MYO1B: variants seen among roughly 807,000 people sequenced by gnomAD.
MYO1B encodes the protein myosin IB.
A neutral mutation model predicts 159.7 loss-of-function variants in MYO1B; 72 were observed. That is an observed-to-expected ratio of 0.45 (90% CI 0.37 to 0.55). The LOEUF (loss-of-function observed/expected upper bound fraction) is 0.55. Among genes scored for constraint, MYO1B ranks in the 20% least tolerant of loss-of-function variants. The pLI is 0.00. For missense variants in MYO1B, 1,062 were observed against 1,364.8 expected, an observed-to-expected ratio of 0.78 and a Z score of 3.50; for synonymous variants, 468 against 473.8, an observed-to-expected ratio of 0.99 and a Z score of 0.16.
intron 30 of MYO1B, among the ~76,000 whole-genome samples, chr2:191,419,134 C>T (rs10189822): frequency 6.6e-6 from 1 of 152,182 alleles, no homozygotes; most frequent in Non-Finnish European, 1.5e-5. Flanking sequence ...TGCCAGTTGT[C>T]TACAAGTAAA....
chr2:191,418,482 ATTTT>A (rs1159016855), intron 30 of MYO1B, among the ~76,000 whole-genome samples: 3 of 81,044 alleles, frequency 3.7e-5, no homozygotes, highest in African/African-American at 1.4e-4. Flanking sequence ...TCTTTAGTGG[ATTTT>A]TTTTTTTTTT....
In MYO1B at chr2:191,277,063, A is replaced by C. The variant is rs998122561; in HGVS notation, c.135+33A>C. 3 of 1,598,118 alleles carry C rather than the reference A, an allele frequency of 1.9e-6. No homozygotes were observed. In the Admixed American group the frequency reaches 5.5e-5, roughly 29 times the overall value. On this transcript the variant is annotated intron_variant, in intron 2 of 30. Transcript: ENST00000392318. ...CACACGAAGGTCATCTGTAATGTTT[A>C]GACTTTGTATTTTGTGCCAGAGAGC...
chr2:191,319,396 T>C (rs1690557467), intron 3 of MYO1B, among the ~76,000 whole-genome samples: 1 of 152,186 alleles, frequency 6.6e-6, no homozygotes, highest in East Asian at 1.9e-4. Context: ...GCCTGCTCAG[T>C]CTCTGACGGG....
intron 17 of MYO1B, among the ~76,000 whole-genome samples, chr2:191,389,666 A>G (rs1031685340): frequency 6.6e-6 from 1 of 152,248 alleles, no homozygotes; most frequent in African/African-American, 2.4e-5. Flanking sequence ...GTTGGGAAAT[A>G]AAGTTTTTCC....
At chr2:191,355,439 T>G (rs1011384629) in intron 7 of MYO1B, among the ~76,000 whole-genome samples, 2 of 152,228 alleles carry the variant, frequency 1.3e-5, no homozygotes, top group South Asian at 4.1e-4. Flanking sequence ...TGGAAGCACT[T>G]GTAAAATAGG....
chr2:191,302,312 G>A (rs1341403184), intron 3 of MYO1B, among the ~76,000 whole-genome samples: 2 of 152,156 alleles, frequency 1.3e-5, no homozygotes, highest in African/African-American at 4.8e-5. Context: ...GCACATCTCT[G>A]TGGCTGTCTC....
chr2:191,381,700 G>A, intron 14 of MYO1B, 134 bp downstream of exon 14: 1 of 655,664 alleles, frequency 1.5e-6, no homozygotes, highest in South Asian at 2.0e-5. Flanking sequence ...TGTCATTCTA[G>A]AAGAGGCAAA....
chr2:191,392,964 A>C, intron 19 of MYO1B, 109 bp from the exon 20 acceptor site: 2 of 913,516 alleles, frequency 2.2e-6, no homozygotes, highest in Non-Finnish European at 3.3e-6. Flanking sequence ...TCTTTTTTTC[A>C]ATGTAATTGA....
intron 1 of MYO1B, among the ~76,000 whole-genome samples, chr2:191,264,245 C>A (rs747458512): frequency 8.5e-5 from 13 of 152,158 alleles, no homozygotes; most frequent in Admixed American, 2.6e-4. Context: ...GATCAATTCT[C>A]AACTAATAAA....
At chr2:191,331,711 A>G (rs1382490378) in intron 4 of MYO1B, among the ~76,000 whole-genome samples, 1 of 152,198 alleles carries the variant, frequency 6.6e-6, no homozygotes, top group East Asian at 1.9e-4. Context: ...GGGGAGATAA[A>G]CAATAGCTCT....
At position 191,409,072 on chromosome 2, in the gene MYO1B, A is replaced by C. The variant is rs1382124465; in HGVS notation, c.2660A>C (p.Asn887Thr). The change falls in exon 26 of 31, where the codon AAT (asparagine) becomes ACT (threonine). Residue 887 changes from asparagine to threonine, a missense_variant. Asn to Thr is a moderately conservative substitution (Grantham distance 65). Coordinates refer to ENST00000392318, the MANE Select transcript of MYO1B (RefSeq NM_001130158.3). ...CAAAAATACTTCTTGGAAATGAAAA[A>C]TAAGATGCCTTCCTTATCTCCAATA... ...IVQKYFLEMK[N>T]KMPSLSPIDK... is the part of the protein sequence containing the mutation. 26 of 1,610,758 alleles carry C rather than the reference A, an allele frequency of 1.6e-5. No individual in the cohort carries two copies. The Admixed American group carries it at 4.4e-4, about 27-fold the overall frequency.
intron 6 of MYO1B, among the ~76,000 whole-genome samples, chr2:191,348,140 A>G (rs940316931): frequency 6.6e-6 from 1 of 152,176 alleles, no homozygotes; most frequent in Admixed American, 6.5e-5. Context: ...GCTTAGTGGG[A>G]ATAGTGTCAT....
chr2:191,272,066 G>A (rs896554260), intron 1 of MYO1B, among the ~76,000 whole-genome samples: 2 of 152,128 alleles, frequency 1.3e-5, no homozygotes, highest in African/African-American at 4.8e-5. Flanking sequence ...ATTTTAAACG[G>A]TATTTTAACT....
intron 21 of MYO1B, among the ~76,000 whole-genome samples, chr2:191,399,030 G>A (rs1461174351): frequency 2.8e-4 from 43 of 152,340 alleles, no homozygotes; most frequent in African/African-American, 1.0e-3. Flanking sequence ...TCGGGAGGCC[G>A]AGGCTGGCGG....
intron 3 of MYO1B, among the ~76,000 whole-genome samples, chr2:191,325,091 T>C (rs781344823): frequency 2.0e-5 from 3 of 152,150 alleles, no homozygotes; most frequent in Admixed American, 6.6e-5. Context: ...TCAATCCTGA[T>C]TGGGCTTAGC....
intron 3 of MYO1B, among the ~76,000 whole-genome samples, chr2:191,308,019 G>C (rs987363684): frequency 2.2e-4 from 34 of 152,006 alleles, no homozygotes; most frequent in African/African-American, 7.7e-4. Flanking sequence ...CCAATCTCCA[G>C]CTCCCCTCCC....
At chr2:191,407,964 A>G in intron 24 of MYO1B, 151 bp from the exon 25 acceptor site, 1 of 495,106 alleles carries the variant, frequency 2.0e-6, no homozygotes, top group South Asian at 4.0e-5. Context: ...AAGATCCACT[A>G]TATGAATGTG....
intron 3 of MYO1B, among the ~76,000 whole-genome samples, chr2:191,326,668 G>T (rs779353648): frequency 2.6e-5 from 4 of 151,906 alleles, no homozygotes; most frequent in Non-Finnish European, 4.4e-5. Flanking sequence ...TTTCAGCCTG[G>T]ATAGAGAAGA....
intron 2 of MYO1B, among the ~76,000 whole-genome samples, chr2:191,292,089 T>C (rs1435625154): frequency 1.3e-5 from 2 of 152,168 alleles, no homozygotes; most frequent in African/African-American, 4.8e-5. Flanking sequence ...ATGAACCTGT[T>C]AGGAGTTCAA....
Sources: allele counts gnomAD v4.1 joint callset (sites outside exome capture counted in the v4.1 genomes callset), GRCh38; gene constraint gnomAD v4.1.1; transcripts MANE v1.5; gene names NCBI Gene and HGNC (gene_info 2026-07-23, HGNC 2026-07-21).